Variants in ARHGEF26 observed in about 807,000 individuals in gnomAD.
ARHGEF26 encodes the protein Rho guanine nucleotide exchange factor 26.
Under a neutral mutation model 89.4 loss-of-function variants are expected in ARHGEF26, and 59 were observed. The ratio of observed to expected loss-of-function variants is 0.66; its 90% CI spans 0.54 to 0.82. The LOEUF is 0.82. Among genes scored for constraint, ARHGEF26 ranks in the 40% least tolerant of loss-of-function variants. ARHGEF26 has a pLI of 0.00. For missense variants in ARHGEF26, 1,234 were observed against 1,085.6 expected, an observed-to-expected ratio of 1.14 and a Z score of -1.92; for synonymous variants, 500 against 428.4, an observed-to-expected ratio of 1.17 and a Z score of -2.06.
intron 9 of ARHGEF26, among the ~76,000 whole-genome samples, chr3:154,210,059 A>G (rs1188098759): frequency 6.6e-6 from 1 of 152,100 alleles, no homozygotes; most frequent in African/African-American, 2.4e-5. Context: ...CTGCCTGACT[A>G]CTGTTGATGT....
chr3:154,237,944 G>C (rs1300346136), intron 11 of ARHGEF26, among the ~76,000 whole-genome samples: 1 of 152,144 alleles, frequency 6.6e-6, no homozygotes, highest in African/African-American at 2.4e-5. Context: ...TAGTAACAAA[G>C]AAGCCTCAGT....
intron 12 of ARHGEF26, among the ~76,000 whole-genome samples, chr3:154,249,076 G>A (rs1717961899): frequency 1.3e-5 from 2 of 152,136 alleles, no homozygotes; most frequent in African/African-American, 4.8e-5. Context: ...AAAGGTAACT[G>A]GTCAAATGCC....
intron 7 of ARHGEF26, 22 bp from the exon 8 acceptor site, chr3:154,191,267 T>C (rs1474614332): frequency 8.2e-6 from 13 of 1,586,236 alleles, no homozygotes; most frequent in Non-Finnish European, 9.4e-6. Flanking sequence ...TTGAAGTTTC[T>C]CTTTTCTTTG....
chr3:154,252,080 T>G (rs537894440), intron 12 of ARHGEF26, among the ~76,000 whole-genome samples: 3 of 152,264 alleles, frequency 2.0e-5, no homozygotes, highest in Non-Finnish European at 4.4e-5. Context: ...AGGATGCATA[T>G]GGGGATGAAG....
rs995163248 is a variant in ARHGEF26 at position 154,255,358 on chromosome 3, A to G, written c.2501A>G (p.Asp834Gly). ...TGGTATGAGGGGGAACGACTACGAG[A>G]TGGAGAAAGAGGCTGGTTTCCTATG... ...DGWYEGERLR[D>G]GERGWFPMEC... The change falls in exon 15 of 15, where the codon GAT becomes GGT. Residue 834 changes from aspartate to glycine, a missense_variant. Asp to Gly is a moderately conservative substitution (Grantham distance 94). Transcript: ENST00000465093. 1.9e-6 allele frequency: 3 copies of G among 1,613,360 alleles called. No homozygotes were observed. Among genetic ancestry groups the G allele is most frequent in the Non-Finnish European group, 1.7e-6 (2 of 1,179,764 alleles).
chr3:154,217,246 ATC>A lies in ARHGEF26; in HGVS notation c.1846-620_1846-619del, dbSNP rs1325878911. On this transcript the variant is annotated intron_variant, in intron 9 of 14. Transcript: ENST00000465093. The stretch of plus-strand genomic sequence containing the variant: ...GCCATTCTAACTGGTGTGAGATGGT[ATC>A]TCATTGTGGTTTTGATTTGCATTTC... Among the ~76,000 whole-genome samples, 5 of 150,236 alleles carry A rather than the reference ATC, an allele frequency of 3.3e-5. No homozygotes were observed. In the East Asian group the frequency reaches 1.0e-3, roughly 30 times the overall value.
At chr3:154,209,798 G>C (rs971702026) in intron 9 of ARHGEF26, among the ~76,000 whole-genome samples, 1 of 152,198 alleles carries the variant, frequency 6.6e-6, no homozygotes. Context: ...ACAGTCAGTC[G>C]ACGGCAAAGC....
chr3:154,146,572 A>G (rs944951149), intron 4 of ARHGEF26, among the ~76,000 whole-genome samples: 7 of 152,332 alleles, frequency 4.6e-5, no homozygotes, highest in East Asian at 1.9e-4. Flanking sequence ...ACTAATTTCT[A>G]TCTCATTTCG....
In ARHGEF26 at chr3:154,257,207, TG is replaced by T. The variant is rs1319930404; in HGVS notation, c.*1735del. ...CTTCTAACCCTTGGATTGCTCTTTTTGACCTGTGCATACCTTCTAATTGTAA... is the reference window on the plus strand; with the variant it reads ...CTTCTAACCCTTGGATTGCTCTTTTTACCTGTGCATACCTTCTAATTGTAA... On this transcript the variant is annotated 3_prime_UTR_variant, in exon 15 of 15. Transcript: ENST00000465093. 1 of 398,044 alleles carries T rather than the reference TG, an allele frequency of 2.5e-6. No individual in the cohort carries two copies. Among genetic ancestry groups the T allele is most frequent in the African/African-American group, 2.1e-5 (1 of 48,724 alleles). The allele number at this position is 398,044 out of a possible 1,614,324, so 24.7% of individuals were successfully genotyped here.
intron 6 of ARHGEF26, among the ~76,000 whole-genome samples, chr3:154,165,624 A>G (rs1424603330): frequency 6.6e-6 from 1 of 152,154 alleles, no homozygotes; most frequent in Non-Finnish European, 1.5e-5. Context: ...ACTAGTTTTT[A>G]TTGATCACAT....
At chr3:154,142,259 G>T (rs1175739063) in intron 4 of ARHGEF26, among the ~76,000 whole-genome samples, 1 of 151,842 alleles carries the variant, frequency 6.6e-6, no homozygotes, top group Non-Finnish European at 1.5e-5. Flanking sequence ...AGGAAGACAG[G>T]ATTTCACCAT....
At chr3:154,200,230 T>G (rs1714544230) in intron 9 of ARHGEF26, among the ~76,000 whole-genome samples, 1 of 152,200 alleles carries the variant, frequency 6.6e-6, no homozygotes, top group Non-Finnish European at 1.5e-5. Flanking sequence ...TTGATTTGAT[T>G]TTTGTATATG....
At chr3:154,140,120 T>C (rs886878192) in intron 4 of ARHGEF26, among the ~76,000 whole-genome samples, 5 of 152,012 alleles carry the variant, frequency 3.3e-5, no homozygotes, top group African/African-American at 1.2e-4. Flanking sequence ...AAGTTCTGAA[T>C]GAGCAGACTG....
At chr3:154,188,312 G>C (rs1713722228) in intron 7 of ARHGEF26, among the ~76,000 whole-genome samples, 1 of 152,184 alleles carries the variant, frequency 6.6e-6, no homozygotes, top group African/African-American at 2.4e-5. Flanking sequence ...CCCCCCACTT[G>C]GGTAGTTAGA....
At chr3:154,171,004 G>T (rs2108138942) in intron 6 of ARHGEF26, among the ~76,000 whole-genome samples, 1 of 152,222 alleles carries the variant, frequency 6.6e-6, no homozygotes, top group Admixed American at 6.5e-5. Context: ...GGTTTTGGAG[G>T]GCTGCTTGGA....
intron 6 of ARHGEF26, among the ~76,000 whole-genome samples, chr3:154,156,408 C>G (rs1368701564): frequency 1.3e-5 from 2 of 152,020 alleles, no homozygotes; most frequent in East Asian, 3.9e-4. Flanking sequence ...AAAACAGATA[C>G]TTTTCATCCT....
At chr3:154,226,739 T>C (rs1317230394) in intron 11 of ARHGEF26, among the ~76,000 whole-genome samples, 1 of 151,434 alleles carries the variant, frequency 6.6e-6, no homozygotes, top group Non-Finnish European at 1.5e-5. Context: ...CTTTATTAAA[T>C]GCACCCAACA....
intron 4 of ARHGEF26, among the ~76,000 whole-genome samples, chr3:154,139,123 C>G (rs1719198431): frequency 6.6e-6 from 1 of 152,042 alleles, no homozygotes; most frequent in Non-Finnish European, 1.5e-5. Flanking sequence ...GTAGAAGAGT[C>G]TCAGGTAGAG....
chr3:154,157,470 A>G (rs1047470700), intron 6 of ARHGEF26, among the ~76,000 whole-genome samples: 1 of 152,130 alleles, frequency 6.6e-6, no homozygotes, highest in Non-Finnish European at 1.5e-5. Flanking sequence ...ACCATTTCCT[A>G]AAGCCTATGT....
Sources: allele counts gnomAD v4.1 joint callset (sites outside exome capture counted in the v4.1 genomes callset), GRCh38; gene constraint gnomAD v4.1.1; transcripts MANE v1.5; gene names NCBI Gene and HGNC (gene_info 2026-07-23, HGNC 2026-07-21).